FAM20B: variants seen among roughly 807,000 people sequenced by gnomAD.
FAM20B encodes the protein FAM20B glycosaminoglycan xylosylkinase.
Under a neutral mutation model 43.8 loss-of-function variants are expected in FAM20B, and 23 were observed. That is an observed-to-expected ratio of 0.53 (90% CI 0.38 to 0.74). The LOEUF (loss-of-function observed/expected upper bound fraction) is 0.74, where lower values mean the gene tolerates loss of function less well. Among genes scored for constraint, FAM20B ranks in the 30% least tolerant of loss-of-function variants. FAM20B has a pLI of 0.00. For synonymous variants in FAM20B, 178 were observed against 192.4 expected (o/e 0.93, Z 0.62); for missense variants, 440 against 510.5 (o/e 0.86, Z 1.33).
At chr1:179,032,802 G>T (rs962320960) in intron 1 of FAM20B, among the ~76,000 whole-genome samples, 7 of 152,192 alleles carry the variant, frequency 4.6e-5, no homozygotes, top group African/African-American at 1.7e-4. Context: ...GTGGCAGGCA[G>T]CAAAGCAGGA....
chr1:179,069,728 T>C (rs1651836284), intron 7 of FAM20B, among the ~76,000 whole-genome samples: 1 of 152,162 alleles, frequency 6.6e-6, no homozygotes, highest in Non-Finnish European at 1.5e-5. Context: ...CATAATAACT[T>C]AGTCTCACAG....
At chr1:179,028,398 A>G (rs902947836) in intron 1 of FAM20B, among the ~76,000 whole-genome samples, 4 of 152,226 alleles carry the variant, frequency 2.6e-5, no homozygotes, top group Non-Finnish European at 5.9e-5. Flanking sequence ...CCTGGCCAAC[A>G]TGGTGAAACC....
intron 3 of FAM20B, among the ~76,000 whole-genome samples, chr1:179,051,887 A>T (rs1267481387): frequency 2.0e-5 from 3 of 152,088 alleles, no homozygotes; most frequent in Admixed American, 6.5e-5. Flanking sequence ...ACTCGAGGTG[A>T]TCCGCCCACC....
At chr1:179,041,595 C>A (rs1057296839) in intron 1 of FAM20B, among the ~76,000 whole-genome samples, 1 of 131,420 alleles carries the variant, frequency 7.6e-6, no homozygotes, top group Non-Finnish European at 1.7e-5. Context: ...AGCTTCGGCT[C>A]GGCATCAGAG....
At chr1:179,068,669 T>C (rs1201174497) in intron 7 of FAM20B, among the ~76,000 whole-genome samples, 1 of 151,924 alleles carries the variant, frequency 6.6e-6, no homozygotes, top group African/African-American at 2.4e-5. Context: ...CTCCTGACCT[T>C]GTGATCTGCC....
At position 179,075,500 on chromosome 1, in the gene FAM20B, T is replaced by G. The variant is rs757443157; in HGVS notation, c.*3356T>G. 6.6e-6 allele frequency: 1 copy of G among 152,602 alleles called. No homozygotes were observed. The highest frequency in any genetic ancestry group is 1.5e-5 in the Non-Finnish European group (1 of 68,024). 9.5% of individuals were successfully genotyped at this position (152,602 alleles called of 1,614,324 possible). On this transcript the variant is annotated 3_prime_UTR_variant, in exon 8 of 8. Transcript: ENST00000263733. Reference sequence around the variant, plus strand: ...ACTGTTCTTTAGTGTAAGGCTGCATTGTGGGTTTGGGGGAAATGTAAATAA... The same window carrying G: ...ACTGTTCTTTAGTGTAAGGCTGCATGGTGGGTTTGGGGGAAATGTAAATAA...
rs547605095 is a variant in FAM20B, at chr1:179,027,770, T to C, written c.-134+1672T>C. On this transcript the variant is annotated intron_variant, in intron 1 of 7. Transcript: ENST00000263733. The stretch of plus-strand genomic sequence containing the variant: ...CATTGGTATGCTCTATTCGTTTCTC[T>C]AGAACTGGTAGGACAGTAGCTATGT... Among the ~76,000 whole-genome samples the C allele has an allele frequency of 2.6e-5, 4 of 152,364 alleles. No homozygotes were observed. In the Middle Eastern group the frequency reaches 0.01, roughly 389 times the overall value.
In FAM20B at chr1:179,075,582, T is replaced by C. The variant is rs535750320; in HGVS notation, c.*3438T>C. ...ATTTGCTCAGAGTATTATTCAAGAA[T>C]GTATTAATAAGGCATTGCCCCCTGT... is the stretch of plus-strand genomic sequence containing the variant. On this transcript the variant is annotated 3_prime_UTR_variant, in exon 8 of 8. Coordinates refer to ENST00000263733, the MANE Select transcript of FAM20B (RefSeq NM_014864.4). The C allele has an allele frequency of 1.3e-5, 2 of 152,694 alleles. No homozygotes were observed. Among genetic ancestry groups the C allele is most frequent in the East Asian group, 3.9e-4 (2 of 5,190 alleles). 9.5% of individuals were successfully genotyped at this position (152,694 alleles called of 1,614,324 possible).
At chr1:179,053,625 T>G (rs575100515) in intron 3 of FAM20B, among the ~76,000 whole-genome samples, 2 of 152,330 alleles carry the variant, frequency 1.3e-5, no homozygotes, top group Admixed American at 1.3e-4. Flanking sequence ...ACAAATCTGT[T>G]GATCTTGCCT....
intron 4 of FAM20B, among the ~76,000 whole-genome samples, chr1:179,063,566 T>C (rs1651564104): frequency 6.6e-6 from 1 of 152,112 alleles, no homozygotes; most frequent in Non-Finnish European, 1.5e-5. Context: ...CCAGCTTGGA[T>C]GACAAAGCCA....
At chr1:179,048,230 A>G (rs965422257) in intron 2 of FAM20B, among the ~76,000 whole-genome samples, 3 of 152,202 alleles carry the variant, frequency 2.0e-5, no homozygotes, top group Non-Finnish European at 4.4e-5. Context: ...GGAAGTACTA[A>G]AAGGGACCTT....
intron 1 of FAM20B, chr1:179,035,612 C>A: frequency 4.1e-6 from 2 of 487,850 alleles, no homozygotes; most frequent in South Asian, 2.2e-5. Flanking sequence ...GTAACTGTGG[C>A]CCTTTTTGAC....
intron 1 of FAM20B, among the ~76,000 whole-genome samples, chr1:179,026,810 T>C (rs2102476851): frequency 6.6e-6 from 1 of 152,344 alleles, no homozygotes; most frequent in Non-Finnish European, 1.5e-5. Flanking sequence ...TGTGAATAGT[T>C]GTCGAGCTGC....
At chr1:179,050,019 T>TA (rs1650937717) in intron 2 of FAM20B, among the ~76,000 whole-genome samples, 2 of 152,184 alleles carry the variant, frequency 1.3e-5, no homozygotes, top group South Asian at 4.1e-4. Context: ...AAAAGCCCTT[T>TA]AGTGGGGCAA....
chr1:179,024,054 T>C (rs150479921), upstream of FAM20B, among the ~76,000 whole-genome samples: 32 of 152,166 alleles, frequency 2.1e-4, no homozygotes, highest in African/African-American at 6.3e-4. Flanking sequence ...AAGGGAAAAC[T>C]GGGGGGCAGA....
chr1:179,023,383 G>A (rs1649637501), upstream of FAM20B, among the ~76,000 whole-genome samples: 1 of 152,234 alleles, frequency 6.6e-6, no homozygotes, highest in Non-Finnish European at 1.5e-5. Context: ...TTGGGAACAA[G>A]GAAGAAGGGC....
chr1:179,028,111 C>T (rs918511208), intron 1 of FAM20B, among the ~76,000 whole-genome samples: 1 of 152,168 alleles, frequency 6.6e-6, no homozygotes, highest in Non-Finnish European at 1.5e-5. Context: ...GTGTGTCTAT[C>T]ATTTCATTGG....
chr1:179,050,418 T>C (rs1650956734), intron 3 of FAM20B, 53 bp downstream of exon 3: 2 of 1,397,602 alleles, frequency 1.4e-6, no homozygotes, highest in Admixed American at 1.7e-5. Context: ...CAAAAATCTT[T>C]CTTGGAGAGG....
chr1:179,041,388 C>A (rs929949578), intron 1 of FAM20B, among the ~76,000 whole-genome samples: 1 of 152,150 alleles, frequency 6.6e-6, no homozygotes, highest in African/African-American at 2.4e-5. Context: ...GTGAACGAGA[C>A]TCCGTCTGCA....
Sources: allele counts gnomAD v4.1 joint callset (sites outside exome capture counted in the v4.1 genomes callset), GRCh38; gene constraint gnomAD v4.1.1; transcripts MANE v1.5; gene names NCBI Gene and HGNC (gene_info 2026-07-23, HGNC 2026-07-21).